Variants in LAMA5 observed in about 807,000 individuals in gnomAD.
The protein encoded by LAMA5 is laminin subunit alpha 5.
Under a neutral mutation model 433.4 loss-of-function variants are expected in LAMA5, and 260 were observed. The observed-to-expected ratio is 0.60, with a 90% CI of 0.54 to 0.66. LAMA5 has a LOEUF of 0.66. Ranked by LOEUF, LAMA5 falls within the 30% of genes least tolerant of loss-of-function variation. The pLI, the probability that LAMA5 is intolerant of heterozygous loss-of-function variation, is 0.00. For missense variants in LAMA5, 5,378 were observed against 5,258.5 expected, an observed-to-expected ratio of 1.02 and a Z score of -0.70; for synonymous variants, 2,620 against 2,226.6, an observed-to-expected ratio of 1.18 and a Z score of -4.97.
At position 62,313,072 on chromosome 20, in the gene LAMA5, G is replaced by A. The variant is rs746081241; in HGVS notation, c.8955+16C>T. The A allele has an allele frequency of 1.9e-6, 3 of 1,607,676 alleles. No individual in the cohort carries two copies. The highest frequency in any genetic ancestry group is 2.5e-6 in the Non-Finnish European group (3 of 1,178,420). On this transcript the variant is annotated intron_variant, in intron 65 of 79. Transcript: ENST00000252999. ...CAGTGCAAGTGGGGATGGCAGGACG[G>A]GTGTGCCTGGCGCACCTGCTGCTTC...
In LAMA5 at chr20:62,332,417, C is replaced by T. The variant is rs368215911; in HGVS notation, c.3507G>A (p.Ser1169=). 5.0e-6 allele frequency: 8 copies of T among 1,612,832 alleles called. No homozygotes were observed. Among genetic ancestry groups the T allele is most frequent in the East Asian group, 4.5e-5 (2 of 44,878 alleles). ...CGGCTGTGAGCCTCACGCTGGCCTC[C>T]GAGTCCAGGTGGAAGACAGCCAGGT... The part of the protein sequence containing the change: ...QDHLAVFHLD[S]EASVRLTAEQ... Residue 1169 remains serine, a synonymous_variant, in exon 28 of 80, where the codon TCG becomes TCA. Coordinates refer to ENST00000252999, the MANE Select transcript of LAMA5 (RefSeq NM_005560.6).
intron 11 of LAMA5, among the ~76,000 whole-genome samples, chr20:62,340,359 T>C (rs1982411415): frequency 7.8e-6 from 1 of 128,798 alleles, no homozygotes; most frequent in African/African-American, 2.7e-5. Flanking sequence ...TTGCCCAGGC[T>C]GGAGTGCAGT....
rs749065410 is a variant in LAMA5 at position 62,337,838 on chromosome 20, G to A, written c.1992C>T (p.Cys664=). 82 of 1,612,648 alleles carry A rather than the reference G, an allele frequency of 5.1e-5. No individual in the cohort carries two copies. In the South Asian group the frequency reaches 8.1e-4, roughly 16 times the overall value. The change falls in exon 15 of 80, where the codon TGC becomes TGT. Residue 664 remains cysteine, a synonymous_variant. Coordinates refer to ENST00000252999, the MANE Select transcript of LAMA5 (RefSeq NM_005560.6). ...TGGGGAAGCCGTGAAAGCCGGGGCT[G>A]CATTCCTGGCAGGCAGTGCCTGTGT... ...PGYTGTACQE[C]SPGFHGFPSC... is the part of the protein sequence containing the mutation.
chr20:62,330,805 G>A lies in LAMA5; in HGVS notation c.3790C>T (p.Arg1264Ter), dbSNP rs996072046. Residue 1264 changes from arginine (R) to a stop codon, truncating the protein, a stop_gained, in exon 30 of 80, where the codon CGA becomes TGA. Coordinates refer to ENST00000252999, the MANE Select transcript of LAMA5 (RefSeq NM_005560.6). LOFTEE classifies it high-confidence loss of function. ...TCCACAGCGGTGGGGGGCCGAGGTCGGGGTCCAGCTGGGGACATGGCTGGA... is the reference window on the plus strand; with the variant it reads ...TCCACAGCGGTGGGGGGCCGAGGTCAGGGTCCAGCTGGGGACATGGCTGGA... ...LTPAMSPAGP[R>*]PRPPTAVDPD... The A allele has an allele frequency of 3.2e-6, 5 of 1,557,874 alleles. No homozygotes were observed. Among genetic ancestry groups the A allele is most frequent in the Non-Finnish European group, 4.3e-6 (5 of 1,152,344 alleles).
chr20:62,334,086 C>G (rs1261590067), intron 22 of LAMA5, 47 bp from the exon 23 acceptor site: 15 of 1,593,816 alleles, frequency 9.4e-6, no homozygotes, highest in Non-Finnish European at 1.3e-5. Context: ...CCACTGCCAG[C>G]CTGAGGCCTG....
At position 62,335,829 on chromosome 20, in the gene LAMA5, C is replaced by T. The variant is rs567401298; in HGVS notation, c.2323+511G>A. ...CTGCACCCCAACATTCCCTCCAGGA[C>T]ACCCTCATGGACTCCAGTACCCCCC... is the stretch of plus-strand genomic sequence containing the variant. On this transcript the variant is annotated intron_variant, in intron 18 of 79. Coordinates refer to ENST00000252999, the MANE Select transcript of LAMA5 (RefSeq NM_005560.6). Among the ~76,000 whole-genome samples the T allele has an allele frequency of 1.4e-4, 18 of 130,170 alleles. No individual in the cohort carries two copies. In the East Asian group the frequency reaches 4.2e-3, roughly 30 times the overall value. 85.4% of individuals were successfully genotyped at this position (130,170 alleles called of 152,430 possible). A position where few individuals can be genotyped will look rare whatever the true frequency, so the allele number is the denominator to read the frequency against.
intron 79 of LAMA5, 21 bp from the exon 80 acceptor site, chr20:62,309,496 G>A (rs755553552): frequency 8.3e-6 from 13 of 1,558,142 alleles, no homozygotes; most frequent in East Asian, 2.3e-5. Context: ...AGGGAAGATG[G>A]AAGAAGGCTG....
At position 62,311,318 on chromosome 20, in the gene LAMA5, G is replaced by A; in HGVS notation, c.9943-11C>T. On this transcript the variant is annotated splice_polypyrimidine_tract_variant and intron_variant, in intron 72 of 79. Transcript: ENST00000252999. ...GCTGCGGCGGGAGGCCTGGGGGCGT[G>A]GATGGTGAATGCAGGGGCCGCCCAC... is the stretch of plus-strand genomic sequence containing the variant. The A allele has an allele frequency of 1.3e-6, 2 of 1,556,364 alleles. No individual in the cohort carries two copies. The highest frequency in any genetic ancestry group is 1.2e-5 in the South Asian group (1 of 83,270).
intron 2 of LAMA5, among the ~76,000 whole-genome samples, chr20:62,357,682 CT>C (rs1216269657): frequency 1.3e-5 from 2 of 152,246 alleles, no homozygotes; most frequent in Non-Finnish European, 2.9e-5. Flanking sequence ...AATAACAACT[CT>C]GAGGCCAGAA....
In LAMA5 at chr20:62,333,073, G is replaced by A. The variant is rs780213553; in HGVS notation, c.3282+17C>T. On this transcript the variant is annotated intron_variant, in intron 26 of 79. Transcript: ENST00000252999. ...TCCTGCAACACCCATTGCTCCGTGG[G>A]GTCCCAGGACACGCACATCACTGCC... The A allele has an allele frequency of 5.4e-6, 8 of 1,485,936 alleles. No individual in the cohort carries two copies. In the East Asian group the frequency reaches 1.6e-4, roughly 31 times the overall value. The allele number at this position is 1,485,936 out of a possible 1,614,324, so 92.0% of individuals were successfully genotyped here. A position where few individuals can be genotyped will look rare whatever the true frequency, so the allele number is the denominator to read the frequency against.
intron 11 of LAMA5, among the ~76,000 whole-genome samples, chr20:62,341,826 C>CAAAAAAA (rs11466846): frequency 2.0e-4 from 26 of 128,128 alleles, no homozygotes; most frequent in African/African-American, 8.7e-4. Context: ...TCTGATCAAC[C>CAAAAAAA]AAAAAAAAAA....
chr20:62,360,511 A>G (rs1441942632), intron 2 of LAMA5, among the ~76,000 whole-genome samples: 33 of 292 alleles, frequency 0.11, 16 homozygotes, highest in East Asian at 0.5. Context: ...GGAGGGATAG[A>G]TGGGTGGGTG....
chr20:62,309,324 G>A lies in LAMA5; in HGVS notation c.*12C>T, dbSNP rs771406966. On this transcript the variant is annotated 3_prime_UTR_variant, in exon 80 of 80. Coordinates refer to ENST00000252999, the MANE Select transcript of LAMA5 (RefSeq NM_005560.6). ...TGCAGGGGCCTGACCAGGGGCCGGGGTTGGCTGTGTCCTAGGCGGCTGGGC... is the reference window on the plus strand; with the variant it reads ...TGCAGGGGCCTGACCAGGGGCCGGGATTGGCTGTGTCCTAGGCGGCTGGGC... The A allele has an allele frequency of 1.1e-5, 17 of 1,591,082 alleles. No homozygotes were observed. The East Asian group carries it at 3.4e-4, about 31-fold the overall frequency.
In LAMA5 at chr20:62,309,464, C is replaced by A. The variant is rs774456711; in HGVS notation, c.10960G>T (p.Val3654Leu). The change falls in exon 80 of 80, where the codon GTG (valine) becomes TTG (leucine). Residue 3654 changes from valine to leucine, a missense_variant. Physicochemically the swap from Val to Leu is conservative, Grantham distance 32. Coordinates refer to ENST00000252999, the MANE Select transcript of LAMA5 (RefSeq NM_005560.6). ...YLGGLPEPMAVQPWPPAYCGC... is the reference protein window; with the variant it reads ...YLGGLPEPMALQPWPPAYCGC... ...CAGTAGGCGGGGGGCCAGGGCTGCACGGCCATGGGCTCTGGGGGCACAGGG... is the reference window on the plus strand; with the variant it reads ...CAGTAGGCGGGGGGCCAGGGCTGCAAGGCCATGGGCTCTGGGGGCACAGGG... 2 of 1,580,270 alleles carry A rather than the reference C, an allele frequency of 1.3e-6. No homozygotes were observed. The highest frequency in any genetic ancestry group is 1.7e-6 in the Non-Finnish European group (2 of 1,172,514).
chr20:62,314,179 G>T (rs1986673256), intron 62 of LAMA5, 125 bp downstream of exon 62: 3 of 1,239,936 alleles, frequency 2.4e-6, no homozygotes, highest in Non-Finnish European at 3.4e-6. Flanking sequence ...GGCACGGAGA[G>T]GCGAGGGGTG....
In LAMA5 at chr20:62,316,941, C is replaced by G. The variant is rs760169512; in HGVS notation, c.7594G>C (p.Val2532Leu). ...SNAYSRILQA[V>L]QAAEDAAGQA... ...CCAGCAGCATCCTCGGCAGCCTGCA[C>G]GGCCTGCAGGATGCGGCTGTAGGCG... Residue 2532 changes from valine to leucine, a missense_variant, in exon 56 of 80, where the codon GTG becomes CTG. Physicochemically the swap from Val to Leu is conservative, Grantham distance 32. Transcript: ENST00000252999. 3.2e-6 allele frequency: 5 copies of G among 1,564,074 alleles called. No individual in the cohort carries two copies. In the South Asian group the frequency reaches 3.5e-5, roughly 11 times the overall value.
chr20:62,340,042 G>A lies in LAMA5; in HGVS notation c.1478-1434C>T, dbSNP rs534144685. On this transcript the variant is annotated intron_variant, in intron 11 of 79. Coordinates refer to ENST00000252999, the MANE Select transcript of LAMA5 (RefSeq NM_005560.6). ...GACGCAAACACAGAGGAGTGAGGAC[G>A]GAAGGCACAGCGGTAACGAGACAGA... Among the ~76,000 whole-genome samples the A allele has an allele frequency of 1.9e-4, 29 of 152,218 alleles. No individual in the cohort carries two copies. In the South Asian group the frequency reaches 4.4e-3, roughly 23 times the overall value.
Position 62,351,918 on chromosome 20 carries a change from G to T in LAMA5, c.849C>A (p.Val283=). 1 of 1,605,000 alleles carries T rather than the reference G, an allele frequency of 6.2e-7. No homozygotes were observed. The highest frequency in any genetic ancestry group is 1.1e-5 in the South Asian group (1 of 89,938). Residue 283 remains valine (V), a synonymous_variant, in exon 5 of 80, where the codon GTC becomes GTA. Transcript: ENST00000252999. ...LMGKALRDPT[V]TRRYYYSIKD... is the part of the protein sequence containing the mutation. ...GCCATGGGCAGCTCACCCGGCGGGTGACCGTGGGGTCCCGCAGCGCCTTCC... is the reference window on the plus strand; with the variant it reads ...GCCATGGGCAGCTCACCCGGCGGGTTACCGTGGGGTCCCGCAGCGCCTTCC...
Position 62,313,680 on chromosome 20 carries a change from A to G in LAMA5, c.8627T>C (p.Phe2876Ser). The G allele has an allele frequency of 1.2e-6, 2 of 1,612,798 alleles. No homozygotes were observed. Among genetic ancestry groups the G allele is most frequent in the Non-Finnish European group, 1.7e-6 (2 of 1,179,954 alleles). Residue 2876 changes from phenylalanine (F) to serine (S), a missense_variant, in exon 63 of 80, where the codon TTC (phenylalanine) becomes TCC (serine). Coordinates refer to ENST00000252999, the MANE Select transcript of LAMA5 (RefSeq NM_005560.6). Reference sequence around the variant, plus strand: ...GGTACTGGGGTACCCCCCGACGTAGAAGACGAAGTCGTCTGGCCGCAGGTT... The same window carrying G: ...GGTACTGGGGTACCCCCCGACGTAGGAGACGAAGTCGTCTGGCCGCAGGTT... The part of the protein sequence containing the change: ...LLNLRPDDFV[F>S]YVGGYPSTFT...
Sources: gnomAD v4.1 joint callset for allele counts (sites outside exome capture counted in the v4.1 genomes callset) on GRCh38, gnomAD v4.1.1 for gene constraint, MANE v1.5 for transcripts, NCBI Gene and HGNC (gene_info 2026-07-23, HGNC 2026-07-21) for gene names.